The following FRMPD3 variants were observed in gnomAD, a reference collection of about 807,000 sequenced individuals.
FRMPD3 encodes FERM and PDZ domain containing 3.
FRMPD3 carries 42 observed loss-of-function variants against 97.9 expected under a neutral mutation model. The ratio of observed to expected loss-of-function variants is 0.43; its 90% CI spans 0.34 to 0.55. FRMPD3 has a LOEUF of 0.55. Ranked by LOEUF, FRMPD3 falls within the 20% of genes least tolerant of loss-of-function variation. The pLI, the probability that FRMPD3 is intolerant of heterozygous loss-of-function variation, is 0.03. For synonymous variants in FRMPD3, 577 were observed against 581.1 expected (o/e 0.99, Z 0.10); for missense variants, 1,303 against 1,457.7 (o/e 0.89, Z 1.73).
intron 1 of FRMPD3, among the ~76,000 whole-genome samples, chrX:107,469,350 A>G (rs1921004516): frequency 9.0e-6 from 1 of 111,617 alleles, no homozygotes; most frequent in African/African-American, 3.3e-5. Context: ...ATGGCTTAAA[A>G]TGGTTTTAAA....
At chrX:107,524,100 G>A (rs1345188533) in intron 1 of FRMPD3, among the ~76,000 whole-genome samples, 1 of 112,334 alleles carries the variant, frequency 8.9e-6, no homozygotes. Flanking sequence ...AGTCCTTTTA[G>A]CGCCAACAAG....
At position 107,530,820 on chromosome X, in the gene FRMPD3, C is replaced by T. The variant is rs779551907; in HGVS notation, c.251+309C>T. 2.1e-3 allele frequency among the ~76,000 whole-genome samples: 227 copies of T among 110,143 alleles called. 1 individual carries two copies. The highest frequency in any genetic ancestry group is 7.1e-3 in the African/African-American group (216 of 30,224). ...CCCCAGCCCCTTTGTTTTTTTCCAG[C>T]GGGACAGACCAAGTGACAGATGAGA... is the stretch of plus-strand genomic sequence containing the variant. On this transcript the variant is annotated intron_variant, in intron 3 of 14. Transcript: ENST00000683843.
At chrX:107,461,760 TACATATA>T (rs1435036028) in intron 1 of FRMPD3, among the ~76,000 whole-genome samples, 1 of 67,301 alleles carries the variant, frequency 1.5e-5, no homozygotes, top group East Asian at 4.7e-4. Flanking sequence ...GAATTCATTA[TACATATA>T]CATATACATA....
At chrX:107,459,332 C>G (rs1407613603) in intron 1 of FRMPD3, among the ~76,000 whole-genome samples, 3 of 112,479 alleles carry the variant, frequency 2.7e-5, no homozygotes, top group African/African-American at 9.7e-5. Context: ...GAAAACTCTT[C>G]TGAGCACTTG....
chrX:107,547,910 G>C (rs1406525907), intron 5 of FRMPD3, among the ~76,000 whole-genome samples: 1 of 111,648 alleles, frequency 9.0e-6, no homozygotes, highest in Non-Finnish European at 1.9e-5. Flanking sequence ...GGGATCCGGG[G>C]CCGCTGGGCC....
intron 4 of FRMPD3, among the ~76,000 whole-genome samples, chrX:107,533,891 C>G (rs1216644029): frequency 1.8e-5 from 2 of 112,167 alleles, no homozygotes; most frequent in Non-Finnish European, 3.8e-5. Context: ...TCATAAAGTC[C>G]TGGACGATGA....
chrX:107,480,898 A>AGG (rs1269311603), intron 1 of FRMPD3, among the ~76,000 whole-genome samples: 1,270 of 44,887 alleles, frequency 0.028, 12 homozygotes, highest in African/African-American at 0.036. Flanking sequence ...GAAGGAAGGA[A>AGG]AGAAAGAAAG....
In FRMPD3 at chrX:107,466,121, G is replaced by T. The variant is rs190235883; in HGVS notation, c.-8+16116G>T. ...CCACATAACAGCTGTGGAGAACAAA[G>T]CTTTCAGCCATGACCACCATTTCAC... is the stretch of plus-strand genomic sequence containing the variant. On this transcript the variant is annotated intron_variant, in intron 1 of 14. Transcript: ENST00000683843. Among the ~76,000 whole-genome samples the T allele has an allele frequency of 2.8e-4, 31 of 112,521 alleles. No individual in the cohort carries two copies. The East Asian group carries it at 8.1e-3, about 30-fold the overall frequency.
intron 1 of FRMPD3, among the ~76,000 whole-genome samples, chrX:107,469,390 A>G (rs771107077): frequency 8.0e-4 from 89 of 111,934 alleles, no homozygotes; most frequent in Non-Finnish European, 1.5e-3. Context: ...CCCATTCACT[A>G]TCATGAGAAC....
At position 107,560,836 on chromosome X, in the gene FRMPD3, C is replaced by T; in HGVS notation, c.1009C>T (p.Pro337Ser). 1 of 1,195,915 alleles carries T rather than the reference C, an allele frequency of 8.4e-7. No homozygotes were observed. Among genetic ancestry groups the T allele is most frequent in the Non-Finnish European group, 1.1e-6 (1 of 887,696 alleles). ...SQQLKAHQTH[P>S]SCGTKGSAIQ... ...GCAACTGAAGGCTCACCAAACACAT[C>T]CTTCCTGCGGCACCAAGGTATCCAG... Residue 337 changes from proline to serine, a missense_variant, in exon 10 of 15, where the codon CCT becomes TCT. Coordinates refer to ENST00000683843, the MANE Select transcript of FRMPD3 (RefSeq NM_001388459.1).
intron 1 of FRMPD3, among the ~76,000 whole-genome samples, chrX:107,524,995 C>CAAAAAAAAAA (rs750900204): frequency 7.3e-5 from 1 of 13,735 alleles, no homozygotes; most frequent in African/African-American, 1.5e-4. Context: ...GACTCCATCT[C>CAAAAAAAAAA]AAAAAAAAAA....
chrX:107,467,042 AAGAG>A (rs1199019654), intron 1 of FRMPD3, among the ~76,000 whole-genome samples: 3 of 80,606 alleles, frequency 3.7e-5, no homozygotes, highest in East Asian at 3.9e-4. Context: ...GAGAGAGAGA[AAGAG>A]AGAGAAAGTA....
intron 4 of FRMPD3, among the ~76,000 whole-genome samples, chrX:107,543,976 C>T (rs1921452737): frequency 9.0e-6 from 1 of 111,422 alleles, no homozygotes; most frequent in Admixed American, 9.6e-5. Context: ...ACCTAAGTGT[C>T]TGCCATCAAC....
chrX:107,552,816 G>A lies in FRMPD3; in HGVS notation c.532G>A (p.Asp178Asn), dbSNP rs1457178085. 8.3e-7 allele frequency: 1 copy of A among 1,208,473 alleles called. No individual in the cohort carries two copies. Among genetic ancestry groups the A allele is most frequent in the Non-Finnish European group, 1.1e-6 (1 of 894,629 alleles). Residue 178 changes from aspartate (D) to asparagine (N), a missense_variant, in exon 7 of 15, where the codon GAC becomes AAC. This residue lies in a region of FRMPD3 where 535 missense variants were observed against 618.6 expected (regional missense o/e 0.86). Transcript: ENST00000683843. The part of the protein sequence containing the change: ...TVKDVMLTLQ[D>N]RLSLRFIEHF... The stretch of plus-strand genomic sequence containing the variant: ...ACAGGATGTGATGTTGACATTACAG[G>A]ACCGCCTTTCCCTGAGGTTCATTGA...
intron 12 of FRMPD3, among the ~76,000 whole-genome samples, chrX:107,572,756 C>A (rs772431865): frequency 5.5e-5 from 6 of 108,872 alleles, no homozygotes; most frequent in African/African-American, 2.0e-4. Flanking sequence ...AATAAAAAAG[C>A]CTTCAGGGTC....
intron 12 of FRMPD3, among the ~76,000 whole-genome samples, chrX:107,575,741 G>A (rs1393860816): frequency 2.7e-5 from 3 of 112,385 alleles, no homozygotes; most frequent in East Asian, 2.8e-4. Context: ...ATGAGCCACC[G>A]CGCCGGGCCG....
At chrX:107,545,959 G>A (rs754990299) in intron 5 of FRMPD3, 118 bp downstream of exon 5, 269 of 529,986 alleles carry the variant, frequency 5.1e-4, no homozygotes, top group Non-Finnish European at 7.9e-4. Flanking sequence ...GAGTGGGAGC[G>A]TCCAGGTGCT....
chrX:107,473,661 C>G (rs1396038615), intron 1 of FRMPD3, among the ~76,000 whole-genome samples: 2 of 112,386 alleles, frequency 1.8e-5, no homozygotes, highest in Non-Finnish European at 3.8e-5. Context: ...TAATATGACA[C>G]TCTTTTACCC....
chrX:107,487,042 C>T (rs1375012921), intron 1 of FRMPD3, among the ~76,000 whole-genome samples: 1 of 102,694 alleles, frequency 9.7e-6, no homozygotes, highest in Non-Finnish European at 2.0e-5. Flanking sequence ...GTCAGGAGTT[C>T]GAGACCAGCC....
Sources: allele counts gnomAD v4.1 joint callset (sites outside exome capture counted in the v4.1 genomes callset), GRCh38; gene constraint gnomAD v4.1.1; regional missense constraint gnomAD v4.1.1; transcripts MANE v1.5; gene names NCBI Gene and HGNC (gene_info 2026-07-23, HGNC 2026-07-21).